BCL2L15: variants seen among roughly 807,000 people sequenced by gnomAD.
The protein encoded by BCL2L15 is BCL2 like 15.
A neutral mutation model predicts 18.3 loss-of-function variants in BCL2L15; 15 were observed. The ratio of observed to expected loss-of-function variants is 0.82; its 90% CI spans 0.55 to 1.26. The LOEUF (loss-of-function observed/expected upper bound fraction) is 1.26. BCL2L15 is among the 50% of genes most tolerant of loss of function. The pLI is 0.00. For missense variants in BCL2L15, 180 were observed against 201.7 expected (o/e 0.89, Z 0.65); for synonymous variants, 58 against 68.5 (o/e 0.85, Z 0.76).
rs530386076 is a variant in BCL2L15 at position 113,877,593 on chromosome 1, C to A, written c.*3530G>T. Among the ~76,000 whole-genome samples, 1 of 152,098 alleles carries A rather than the reference C, an allele frequency of 6.6e-6. No homozygotes were observed. Among genetic ancestry groups the A allele is most frequent in the African/African-American group, 2.4e-5 (1 of 41,420 alleles). Reference sequence around the variant, plus strand: ...TGATAAGATGTTTAAGTCTTGTAATCTTCATTGGTATGTTAAATTTAAAAA... The same window carrying A: ...TGATAAGATGTTTAAGTCTTGTAATATTCATTGGTATGTTAAATTTAAAAA... On this transcript the variant is annotated 3_prime_UTR_variant, in exon 4 of 4. Coordinates refer to ENST00000393316, the MANE Select transcript of BCL2L15 (RefSeq NM_001010922.3).
At chr1:113,885,401 C>T (rs1283593884) in intron 2 of BCL2L15, among the ~76,000 whole-genome samples, 10 of 152,098 alleles carry the variant, frequency 6.6e-5, no homozygotes. Flanking sequence ...TATAGTAGGA[C>T]GAATAAAGCA....
In BCL2L15 at chr1:113,877,207, G is replaced by T. The variant is rs1465039715; in HGVS notation, c.*3916C>A. 6.6e-6 allele frequency among the ~76,000 whole-genome samples: 1 copy of T among 152,038 alleles called. No individual in the cohort carries two copies. The highest frequency in any genetic ancestry group is 2.4e-5 in the African/African-American group (1 of 41,384). On this transcript the variant is annotated 3_prime_UTR_variant, in exon 4 of 4. Coordinates refer to ENST00000393316, the MANE Select transcript of BCL2L15 (RefSeq NM_001010922.3). ...ACTGGCTCGGTTATACTAGAGCATT[G>T]GGATTGTAGAGGAGAATCATGATTG...
At chr1:113,881,714 G>T in intron 3 of BCL2L15, 59 bp downstream of exon 3, 4 of 1,525,566 alleles carry the variant, frequency 2.6e-6, no homozygotes, top group Non-Finnish European at 3.5e-6. Flanking sequence ...TGGAATCCCA[G>T]GTATTAGTAC....
Position 113,887,386 on chromosome 1 carries a change from T to C in BCL2L15, c.-11A>G. ...TTGGGAGCTCTTCATTTTAGATGTT[T>C]GCTGTCAAGTTTTGCTTTTCCACGA... On this transcript the variant is annotated 5_prime_UTR_variant, in exon 1 of 4. Coordinates refer to ENST00000393316, the MANE Select transcript of BCL2L15 (RefSeq NM_001010922.3). 1 of 1,614,040 alleles carries C rather than the reference T, an allele frequency of 6.2e-7. No homozygotes were observed. Among genetic ancestry groups the C allele is most frequent in the African/African-American group, 1.3e-5 (1 of 75,058 alleles).
intron 3 of BCL2L15, chr1:113,881,410 C>T (rs1666876015): frequency 8.3e-7 from 1 of 1,204,314 alleles, no homozygotes. Flanking sequence ...CTAACACACA[C>T]ATAGAGAAGT....
chr1:113,885,945 CG>C (rs1375281215), intron 2 of BCL2L15, among the ~76,000 whole-genome samples: 1 of 150,616 alleles, frequency 6.6e-6, no homozygotes. Context: ...TGGTAGCTCA[CG>C]CCTATAATCC....
intron 3 of BCL2L15, 156 bp downstream of exon 3, chr1:113,881,617 T>C (rs1666880627): frequency 7.0e-7 from 1 of 1,435,706 alleles, no homozygotes; most frequent in South Asian, 1.5e-5. Context: ...GCTCCATTTT[T>C]CCATGGCAAG....
chr1:113,887,296 A>G lies in BCL2L15; in HGVS notation c.80T>C (p.Leu27Ser), dbSNP rs746295009. The part of the protein sequence containing the change: ...TLLMDFLSPT[L>S]QVASRNLCCV... ...GCATAGGTTCCGGCTGGCAACCTGC[A>G]ATGTTGGGCTCAAGAAGTCCATGAG... The change falls in exon 1 of 4, where the codon TTG (leucine) becomes TCG (serine). Residue 27 changes from leucine (L) to serine (S), a missense_variant. Transcript: ENST00000393316. 1.2e-6 allele frequency: 2 copies of G among 1,614,084 alleles called. No individual in the cohort carries two copies. The highest frequency in any genetic ancestry group is 1.7e-6 in the Non-Finnish European group (2 of 1,180,036).
chr1:113,881,783 T>G lies in BCL2L15; in HGVS notation c.464A>C (p.Gln155Pro). 1 of 1,613,986 alleles carries G rather than the reference T, an allele frequency of 6.2e-7. No individual in the cohort carries two copies. The highest frequency in any genetic ancestry group is 1.3e-5 in the African/African-American group (1 of 75,066). Residue 155 changes from glutamine to proline, a missense_variant, in exon 3 of 4, where the codon CAG becomes CCG. Transcript: ENST00000393316. ...NQAIREFIQG[Q>P]GGWENLES Reference sequence around the variant, plus strand: ...CCCCAACAAACTTACCCAACCTCCCTGGCCCTGGATGAACTCCCGGATGGC... The same window carrying G: ...CCCCAACAAACTTACCCAACCTCCCGGGCCCTGGATGAACTCCCGGATGGC...
intron 1 of BCL2L15, 61 bp downstream of exon 1, chr1:113,887,188 G>C: frequency 6.6e-7 from 1 of 1,518,078 alleles, no homozygotes; most frequent in Non-Finnish European, 9.1e-7. Context: ...ATCAGTCACT[G>C]CGCCCGGCTG....
rs1335156247 is a variant in BCL2L15 at position 113,886,561 on chromosome 1, G to C, written c.225C>G (p.Val75=). 6.2e-7 allele frequency: 1 copy of C among 1,613,630 alleles called. No individual in the cohort carries two copies. The highest frequency in any genetic ancestry group is 8.5e-7 in the Non-Finnish European group (1 of 1,179,934). Reference sequence around the variant, plus strand: ...CCTGTCCCTTAATGGTTTCTGCAATGACGTTTTTGGCAGAAGCTTCCAATT... The same window carrying C: ...CCTGTCCCTTAATGGTTTCTGCAATCACGTTTTTGGCAGAAGCTTCCAATT... The part of the protein sequence containing the change: ...NGELEASAKN[V]IAETIKGQTG... The change falls in exon 2 of 4, where the codon GTC becomes GTG. Residue 75 remains valine, a synonymous_variant. Coordinates refer to ENST00000393316, the MANE Select transcript of BCL2L15 (RefSeq NM_001010922.3).
rs1666748244 is a variant in BCL2L15 at position 113,877,130 on chromosome 1, A to G, written c.*3993T>C. Among the ~76,000 whole-genome samples, 1 of 152,268 alleles carries G rather than the reference A, an allele frequency of 6.6e-6. No homozygotes were observed. Among genetic ancestry groups the G allele is most frequent in the Non-Finnish European group, 1.5e-5 (1 of 68,020 alleles). On this transcript the variant is annotated 3_prime_UTR_variant, in exon 4 of 4. Coordinates refer to ENST00000393316, the MANE Select transcript of BCL2L15 (RefSeq NM_001010922.3). Reference sequence around the variant, plus strand: ...TGAAGATGTCTACAGGTAGAGCCTCAGAAAAAGGAATATGAAACATAGGGA... The same window carrying G: ...TGAAGATGTCTACAGGTAGAGCCTCGGAAAAAGGAATATGAAACATAGGGA...
In BCL2L15 at chr1:113,880,597, G is replaced by A. The variant is rs1249463247; in HGVS notation, c.*526C>T. ...GCTGAGATCGCACCACTGCACTCCA[G>A]CCTGGGTGACAGAGTGAGACTACGT... On this transcript the variant is annotated 3_prime_UTR_variant, in exon 4 of 4. Transcript: ENST00000393316. 1.3e-5 allele frequency: 2 copies of A among 154,378 alleles called. No homozygotes were observed. The highest frequency in any genetic ancestry group is 1.9e-4 in the East Asian group (1 of 5,282). 9.6% of individuals were successfully genotyped at this position (154,378 alleles called of 1,614,324 possible). A position where few individuals can be genotyped will look rare whatever the true frequency, so the allele number is the denominator to read the frequency against.
At chr1:113,882,948 GTTA>G (rs1386401959) in intron 2 of BCL2L15, among the ~76,000 whole-genome samples, 5 of 147,402 alleles carry the variant, frequency 3.4e-5, no homozygotes, top group Admixed American at 7.1e-5. Context: ...AAAAATAGTA[GTTA>G]ATTAGAATTA....
At chr1:113,886,735 T>C in intron 1 of BCL2L15, 77 bp from the exon 2 acceptor site, 9 of 1,410,726 alleles carry the variant, frequency 6.4e-6, no homozygotes, top group Middle Eastern at 1.8e-4. Flanking sequence ...TGAGAAAAAT[T>C]TGTCTTGTCT....
Position 113,881,071 on chromosome 1 carries a change from CCAAT to C in BCL2L15, c.*48_*51del, listed in dbSNP as rs1347044392. On this transcript the variant is annotated 3_prime_UTR_variant, in exon 4 of 4. Coordinates refer to ENST00000393316, the MANE Select transcript of BCL2L15 (RefSeq NM_001010922.3). ...GTTTGAATTCCCAGGAATCAATCAC[CCAAT>C]CAGTCAACAAGGAAGTGATGTTCAG... 61 of 1,612,874 alleles carry C rather than the reference CCAAT, an allele frequency of 3.8e-5. No individual in the cohort carries two copies. The highest frequency in any genetic ancestry group is 4.7e-5 in the Non-Finnish European group (55 of 1,179,198).
chr1:113,887,498 T>C lies in BCL2L15; in HGVS notation c.-123A>G. 3 of 1,364,338 alleles carry C rather than the reference T, an allele frequency of 2.2e-6. No individual in the cohort carries two copies. Among genetic ancestry groups the C allele is most frequent in the Non-Finnish European group, 3.0e-6 (3 of 989,676 alleles). 84.5% of individuals were successfully genotyped at this position (1,364,338 alleles called of 1,614,324 possible). A position where few individuals can be genotyped will look rare whatever the true frequency, so the allele number is the denominator to read the frequency against. ...CCTCTTGTAGTTTCCTGACATGTAA[T>C]CCTGGAACTTTTCCCACTAGCTTTC... On this transcript the variant is annotated 5_prime_UTR_variant, in exon 1 of 4. Transcript: ENST00000393316.
intron 2 of BCL2L15, among the ~76,000 whole-genome samples, chr1:113,886,011 C>T (rs1409049587): frequency 6.6e-6 from 1 of 151,582 alleles, no homozygotes; most frequent in Admixed American, 6.6e-5. Flanking sequence ...CATTCAAGAC[C>T]AGCCCGGGCA....
intron 3 of BCL2L15, 79 bp downstream of exon 3, chr1:113,881,692 AGG>A (rs1666882131): frequency 1.4e-6 from 2 of 1,472,450 alleles, no homozygotes; most frequent in East Asian, 4.9e-5. Context: ...ATTTACAAAA[AGG>A]GTCATGAATT....
Sources: allele counts gnomAD v4.1 joint callset (sites outside exome capture counted in the v4.1 genomes callset), GRCh38; gene constraint gnomAD v4.1.1; transcripts MANE v1.5; gene names NCBI Gene and HGNC (gene_info 2026-07-23, HGNC 2026-07-21).